The following PLEKHA1 variants were observed in gnomAD, a reference collection of about 807,000 sequenced individuals.
PLEKHA1 encodes pleckstrin homology domain containing A1.
In PLEKHA1, 34 loss-of-function variants were observed where a neutral mutation model predicts 52.0. The observed-to-expected ratio is 0.65, with a 90% CI of 0.50 to 0.87. The LOEUF is 0.87. PLEKHA1 is among the 40% of genes least tolerant of loss of function. PLEKHA1 has a pLI of 0.00. For missense variants in PLEKHA1, 497 were observed against 504.2 expected, an observed-to-expected ratio of 0.99 and a Z score of 0.14; for synonymous variants, 163 against 170.7, an observed-to-expected ratio of 0.95 and a Z score of 0.35.
rs1034888956 is a variant in PLEKHA1 at position 122,385,504 on chromosome 10, C to T, written c.-20-7677C>T. On this transcript the variant is annotated intron_variant, in intron 1 of 11. Transcript: ENST00000368990. ...GCTAATTTTGAATTTTTAGTAGAGACGGGGCTTCTCCGTGTTGGTCAGGCT... is the reference window on the plus strand; with the variant it reads ...GCTAATTTTGAATTTTTAGTAGAGATGGGGCTTCTCCGTGTTGGTCAGGCT... Among the ~76,000 whole-genome samples, 5 of 152,012 alleles carry T rather than the reference C, an allele frequency of 3.3e-5. No homozygotes were observed. In the East Asian group the frequency reaches 5.8e-4, roughly 18 times the overall value.
At chr10:122,398,001 C>T (rs766064071) in intron 3 of PLEKHA1, 27 bp downstream of exon 3, 28 of 1,563,122 alleles carry the variant, frequency 1.8e-5, no homozygotes, top group African/African-American at 5.4e-5. Context: ...GTCTTATACT[C>T]GTGTGAATTA....
chr10:122,416,381 C>A (rs553645499), intron 7 of PLEKHA1, among the ~76,000 whole-genome samples: 127 of 152,290 alleles, frequency 8.3e-4, no homozygotes, highest in Non-Finnish European at 1.3e-3. Flanking sequence ...CCTAGGAGGT[C>A]TCTTCCTTGT....
chr10:122,411,556 T>G (rs2097106742), intron 5 of PLEKHA1, among the ~76,000 whole-genome samples: 1 of 152,214 alleles, frequency 6.6e-6, no homozygotes, highest in Non-Finnish European at 1.5e-5. Context: ...TTTATGAAAC[T>G]CCTGCCTCAA....
intron 1 of PLEKHA1, among the ~76,000 whole-genome samples, chr10:122,378,739 C>CA (rs5788545): frequency 0.041 from 4,143 of 101,684 alleles, 72 homozygotes; most frequent in Middle Eastern, 0.079. Context: ...ACCCTGTCTC[C>CA]AAAAAAAAAA....
At chr10:122,427,149 T>G (rs1565338746) in intron 11 of PLEKHA1, 118 bp downstream of exon 11, 1 of 937,786 alleles carries the variant, frequency 1.1e-6, no homozygotes, top group Admixed American at 2.8e-5. Flanking sequence ...ATGTTGACTT[T>G]TATACCAATT....
At chr10:122,385,589 T>C (rs2096680781) in intron 1 of PLEKHA1, among the ~76,000 whole-genome samples, 1 of 152,230 alleles carries the variant, frequency 6.6e-6, no homozygotes, top group African/African-American at 2.4e-5. Context: ...GTGTTGGGAT[T>C]ATAGGCGTGA....
Position 122,432,295 on chromosome 10 carries a change from A to G in PLEKHA1, c.*2357A>G, listed in dbSNP as rs1277656610. The G allele has an allele frequency of 6.6e-6, 1 of 152,174 alleles. No individual in the cohort carries two copies. Among genetic ancestry groups the G allele is most frequent in the Non-Finnish European group, 1.5e-5 (1 of 68,032 alleles). 9.4% of individuals were successfully genotyped at this position (152,174 alleles called of 1,614,324 possible). Reference sequence around the variant, plus strand: ...TTTACTGTTAAAGTGTGTTATCTTTATATGTCAAACTGGTTGAACACTGTA... The same window carrying G: ...TTTACTGTTAAAGTGTGTTATCTTTGTATGTCAAACTGGTTGAACACTGTA... On this transcript the variant is annotated 3_prime_UTR_variant, in exon 12 of 12. Coordinates refer to ENST00000368990, the MANE Select transcript of PLEKHA1 (RefSeq NM_001001974.4).
intron 11 of PLEKHA1, 111 bp downstream of exon 11, chr10:122,427,142 T>G: frequency 9.9e-7 from 1 of 1,014,510 alleles, no homozygotes; most frequent in Non-Finnish European, 1.4e-6. Context: ...TATTTGCATG[T>G]TGACTTTTAT....
intron 8 of PLEKHA1, chr10:122,418,343 A>T (rs2097208728): frequency 5.9e-6 from 1 of 170,174 alleles, no homozygotes; most frequent in African/African-American, 2.4e-5. Flanking sequence ...ATACACAGTG[A>T]TTTATAAAAT....
At chr10:122,406,932 G>A (rs2097025280) in intron 5 of PLEKHA1, among the ~76,000 whole-genome samples, 1 of 152,142 alleles carries the variant, frequency 6.6e-6, no homozygotes, top group African/African-American at 2.4e-5. Context: ...TTCTTGCAAC[G>A]TTTCTAGGAG....
chr10:122,419,910 C>T (rs1176511312), intron 8 of PLEKHA1: 2 of 152,212 alleles, frequency 1.3e-5, no homozygotes, highest in Non-Finnish European at 2.9e-5. Flanking sequence ...TCCCCCTCCC[C>T]CAGTTTTAAC....
At chr10:122,423,982 G>T in intron 8 of PLEKHA1, 1 of 564,532 alleles carries the variant, frequency 1.8e-6, no homozygotes, top group Non-Finnish European at 2.9e-6. Context: ...AGGGCCGTAT[G>T]CAGTTTTTCT....
intron 1 of PLEKHA1, among the ~76,000 whole-genome samples, chr10:122,381,697 C>T (rs1047130642): frequency 2.6e-5 from 4 of 152,098 alleles, no homozygotes; most frequent in Admixed American, 6.6e-5. Context: ...AATGCAAGAA[C>T]GGACTACCAC....
rs138394797 is a variant in PLEKHA1, at chr10:122,429,635, C to T, written c.912C>T (p.Pro304=). 86 of 1,613,550 alleles carry T rather than the reference C, an allele frequency of 5.3e-5. No homozygotes were observed. Among genetic ancestry groups the T allele is most frequent in the Admixed American group, 1.2e-4 (7 of 59,990 alleles). The part of the protein sequence containing the change: ...PGRSASSEHP[P]GPSESKHAFR... ...ACTCCTTTTTGCAGGAGCATCCCCC[C>T]GGTCCTTCAGAATCCAAACACGCTT... The change falls in exon 12 of 12, where the codon CCC becomes CCT. Residue 304 remains proline (P), a synonymous_variant. Transcript: ENST00000368990.
rs771537427 is a variant in PLEKHA1 at position 122,427,025 on chromosome 10, GTCT to G, written c.898_900del (p.Ser300del). ...CACAGCGGGGTCCCGGCAGATCTGC[GTCT>G]TCTGTAGGTTTCCTGCTCTCTGGGG... is the stretch of plus-strand genomic sequence containing the variant. On this transcript the variant is annotated inframe_deletion, in exon 11 of 12. Coordinates refer to ENST00000368990, the MANE Select transcript of PLEKHA1 (RefSeq NM_001001974.4). The G allele has an allele frequency of 1.2e-6, 2 of 1,613,156 alleles. No individual in the cohort carries two copies. The highest frequency in any genetic ancestry group is 2.2e-5 in the South Asian group (2 of 91,034).
chr10:122,398,668 A>G (rs2096885336), intron 3 of PLEKHA1, among the ~76,000 whole-genome samples: 1 of 151,866 alleles, frequency 6.6e-6, no homozygotes, highest in Non-Finnish European at 1.5e-5. Context: ...TTACTTATAT[A>G]TGAGATGCAA....
At chr10:122,423,179 T>A (rs951862218) in intron 8 of PLEKHA1, 1 of 151,358 alleles carries the variant, frequency 6.6e-6, no homozygotes, top group Non-Finnish European at 1.5e-5. Context: ...ATCCTAGCAT[T>A]TTGGGAGGCC....
At chr10:122,391,633 C>A (rs1038769579) in intron 1 of PLEKHA1, among the ~76,000 whole-genome samples, 5 of 151,970 alleles carry the variant, frequency 3.3e-5, no homozygotes, top group South Asian at 2.1e-4. Flanking sequence ...GCTCTTAATT[C>A]TTTTCCACTG....
downstream of PLEKHA1, chr10:122,436,096 C>G (rs1358877272): frequency 2.0e-5 from 3 of 152,164 alleles, no homozygotes; most frequent in African/African-American, 7.2e-5. Flanking sequence ...TGGAAGCAGA[C>G]TTAGCCACTT....
Sources: gnomAD v4.1 joint callset for allele counts (sites outside exome capture counted in the v4.1 genomes callset) on GRCh38, gnomAD v4.1.1 for gene constraint, MANE v1.5 for transcripts, NCBI Gene and HGNC (gene_info 2026-07-23, HGNC 2026-07-21) for gene names.